The following ARHGAP22 variants were observed in gnomAD, a reference collection of about 807,000 sequenced individuals.
The protein encoded by ARHGAP22 is rho GTPase-activating protein 22.
In ARHGAP22, 48 loss-of-function variants were observed where a neutral mutation model predicts 59.1. The observed-to-expected ratio is 0.81, with a 90% CI of 0.64 to 1.03. The LOEUF is 1.03. ARHGAP22 is among the 50% of genes least tolerant of loss of function. ARHGAP22 has a pLI of 0.00. For synonymous variants in ARHGAP22, 445 were observed against 416.4 expected (o/e 1.07, Z -0.84); for missense variants, 1,015 against 958.7 (o/e 1.06, Z -0.78).
At chr10:48,579,028 A>G (rs574379789) in intron 2 of ARHGAP22, among the ~76,000 whole-genome samples, 2 of 152,210 alleles carry the variant, frequency 1.3e-5, no homozygotes, top group Admixed American at 1.3e-4. Context: ...GTTTATTATG[A>G]GAAACAAAAT....
chr10:48,613,876 G>A (rs1200263595), intron 1 of ARHGAP22, among the ~76,000 whole-genome samples: 1 of 152,172 alleles, frequency 6.6e-6, no homozygotes, highest in Non-Finnish European at 1.5e-5. Context: ...CAGGCCCTAA[G>A]GACATTGCCC....
intron 3 of ARHGAP22, among the ~76,000 whole-genome samples, chr10:48,546,109 T>A (rs2056412359): frequency 6.6e-6 from 1 of 152,200 alleles, no homozygotes; most frequent in Non-Finnish European, 1.5e-5. Context: ...ACACATAAAC[T>A]TGTAAATGCA....
chr10:48,613,065 C>T (rs1027701970), intron 1 of ARHGAP22, among the ~76,000 whole-genome samples: 1 of 151,988 alleles, frequency 6.6e-6, no homozygotes, highest in Non-Finnish European at 1.5e-5. Context: ...TTTTTTTGTC[C>T]TCATCTGTTT....
the ARHGAP22 span, chr10:48,431,246 A>T: frequency 6.2e-7 from 1 of 1,611,834 alleles, no homozygotes. Context: ...GAATGGAGTT[A>T]TACGGGGGCA....
intron 3 of ARHGAP22, among the ~76,000 whole-genome samples, chr10:48,511,931 C>T (rs1167751910): frequency 2.0e-5 from 3 of 152,192 alleles, no homozygotes. Context: ...CTGGCCACCT[C>T]CCCCAATTAG....
intron 1 of ARHGAP22, among the ~76,000 whole-genome samples, chr10:48,600,893 C>T (rs2060341457): frequency 6.6e-6 from 1 of 152,212 alleles, no homozygotes; most frequent in African/African-American, 2.4e-5. Flanking sequence ...TTTGGTCCTC[C>T]TTCTCCAGAG....
chr10:48,438,359 A>G, the ARHGAP22 span: 1 of 152,238 alleles, frequency 6.6e-6, no homozygotes, highest in Non-Finnish European at 1.5e-5. Context: ...ATAGCAAGAA[A>G]GATGAAGAGG....
chr10:48,592,909 T>C (rs1469580490), intron 1 of ARHGAP22, among the ~76,000 whole-genome samples: 3 of 152,250 alleles, frequency 2.0e-5, no homozygotes, highest in Admixed American at 6.5e-5. Flanking sequence ...TTAGATCACA[T>C]TGCGCCCTGT....
downstream of ARHGAP22, chr10:48,443,966 T>G (rs184115309): frequency 4.0e-4 from 61 of 152,360 alleles, no homozygotes; most frequent in African/African-American, 1.3e-3. Flanking sequence ...TAGTGAGACA[T>G]TCACAATTTC....
chr10:48,474,700 T>G (rs1265491639), intron 4 of ARHGAP22, among the ~76,000 whole-genome samples: 1 of 152,158 alleles, frequency 6.6e-6, no homozygotes, highest in Admixed American at 6.5e-5. Context: ...AAATGCTTTT[T>G]CTAGTCTACT....
chr10:48,493,313 T>A, intron 3 of ARHGAP22: 1 of 1,023,954 alleles, frequency 9.8e-7, no homozygotes, highest in African/African-American at 1.6e-5. Flanking sequence ...TCTTCATTCA[T>A]GTCTTTCATT....
At chr10:48,458,790 A>C (rs879448882) in intron 5 of ARHGAP22, among the ~76,000 whole-genome samples, 1 of 152,180 alleles carries the variant, frequency 6.6e-6, no homozygotes, top group Admixed American at 6.5e-5. Flanking sequence ...CTCCAGAGGA[A>C]GGGTCCCCCG....
At chr10:48,558,179 T>C (rs1236761374) in intron 2 of ARHGAP22, among the ~76,000 whole-genome samples, 1 of 152,194 alleles carries the variant, frequency 6.6e-6, no homozygotes, top group Non-Finnish European at 1.5e-5. Flanking sequence ...TGCACCATAG[T>C]GTTTGCACCA....
At chr10:48,650,955 G>A (rs550587342) in intron 1 of ARHGAP22, among the ~76,000 whole-genome samples, 72 of 152,232 alleles carry the variant, frequency 4.7e-4, no homozygotes, top group African/African-American at 1.5e-3. Flanking sequence ...AGCCCACTCC[G>A]TTCTTCATGA....
intron 8 of ARHGAP22, chr10:48,451,403 C>CCCT (rs1564667621): frequency 2.8e-6 from 2 of 706,726 alleles, no homozygotes; most frequent in Admixed American, 4.0e-5. Flanking sequence ...TGCGCTCACG[C>CCCT]CCTCCAGCTG....
intron 8 of ARHGAP22, chr10:48,451,607 C>A: frequency 1.4e-6 from 1 of 698,770 alleles, no homozygotes; most frequent in East Asian, 2.7e-5. Flanking sequence ...AGCCATCTTT[C>A]CTGTGTGGGG....
chr10:48,484,081 G>A (rs1180066762), intron 3 of ARHGAP22, among the ~76,000 whole-genome samples: 7 of 152,170 alleles, frequency 4.6e-5, no homozygotes, highest in Admixed American at 3.3e-4. Flanking sequence ...ATGGGGTCTA[G>A]TCTCAGTCTT....
At chr10:48,439,356 T>C in the ARHGAP22 span, 2 of 151,476 alleles carry the variant, frequency 1.3e-5, no homozygotes, top group South Asian at 2.1e-4. Context: ...ATGAAAATTA[T>C]GAAATTAAGA....
At chr10:48,606,479 A>G (rs1589140042), upstream of ARHGAP22, among the ~76,000 whole-genome samples, 1 of 152,224 alleles carries the variant, frequency 6.6e-6, no homozygotes, top group East Asian at 1.9e-4. Flanking sequence ...AGAGGGATGA[A>G]TGAGTACCTT....
Sources: gnomAD v4.1 joint callset for allele counts (sites outside exome capture counted in the v4.1 genomes callset) on GRCh38, gnomAD v4.1.1 for gene constraint, MANE v1.5 for transcripts, NCBI Gene and HGNC (gene_info 2026-07-23, HGNC 2026-07-21) for gene names.